Variants in FBXW8 observed in about 807,000 individuals in gnomAD.
FBXW8 encodes the protein F-box/WD repeat-containing protein 8.
In FBXW8, 57 loss-of-function variants were observed where a neutral mutation model predicts 65.3. That is an observed-to-expected ratio of 0.87 (90% confidence interval 0.71 to 1.09). The LOEUF is 1.09. Ranked by LOEUF, FBXW8 falls within the 50% of genes least tolerant of loss-of-function variation. FBXW8 has a pLI of 0.00. For missense variants in FBXW8, 777 were observed against 814.8 expected, an observed-to-expected ratio of 0.95 and a Z score of 0.57; for synonymous variants, 308 against 330.2, an observed-to-expected ratio of 0.93 and a Z score of 0.73.
At chr12:116,992,761 G>GGTGTGTGTGTGT (rs59119067) in intron 7 of FBXW8, among the ~76,000 whole-genome samples, 2,341 of 143,616 alleles carry the variant, frequency 0.016, 35 homozygotes, top group Admixed American at 0.022. Flanking sequence ...ATTATTCCAT[G>GGTGTGTGTGTGT]GTGTGTGTGT....
intron 7 of FBXW8, among the ~76,000 whole-genome samples, chr12:117,008,389 T>C (rs1953728043): frequency 6.6e-6 from 1 of 152,250 alleles, no homozygotes; most frequent in Non-Finnish European, 1.5e-5. Flanking sequence ...GTTATTTCTA[T>C]ATACTTACTT....
intron 4 of FBXW8, among the ~76,000 whole-genome samples, chr12:116,956,562 C>A (rs1409723638): frequency 6.6e-6 from 1 of 152,182 alleles, no homozygotes; most frequent in African/African-American, 2.4e-5. Context: ...TTTGGAGCTT[C>A]AAATTTATAT....
chr12:117,013,827 A>AGGAATTGTTGCATT, intron 8 of FBXW8, among the ~76,000 whole-genome samples: 1 of 152,138 alleles, frequency 6.6e-6, no homozygotes, highest in African/African-American at 2.4e-5. Context: ...CAATGAATTA[A>AGGAATTGTTGCATT]TAGCTTAGGA....
chr12:116,921,822 CTTTTTT>C (rs11449832), intron 1 of FBXW8, among the ~76,000 whole-genome samples: 1 of 99,322 alleles, frequency 1.0e-5, no homozygotes, highest in Non-Finnish European at 2.0e-5. Flanking sequence ...GTATTTCTGA[CTTTTTT>C]TTTTTTTTTT....
intron 4 of FBXW8, among the ~76,000 whole-genome samples, chr12:116,959,947 C>A (rs1883879281): frequency 6.6e-6 from 1 of 152,190 alleles, no homozygotes; most frequent in African/African-American, 2.4e-5. Flanking sequence ...GTTCTTACAT[C>A]AGCTAGTATA....
At chr12:117,015,341 C>T (rs1470737153) in intron 8 of FBXW8, among the ~76,000 whole-genome samples, 1 of 152,132 alleles carries the variant, frequency 6.6e-6, no homozygotes, top group East Asian at 1.9e-4. Flanking sequence ...ATAGGTTTTG[C>T]TGGCAGTCGG....
Position 116,988,802 on chromosome 12 carries a change from T to C in FBXW8, c.1172T>C (p.Leu391Pro). 6.2e-7 allele frequency: 1 copy of C among 1,614,190 alleles called. No individual in the cohort carries two copies. Among genetic ancestry groups the C allele is most frequent in the African/African-American group, 1.3e-5 (1 of 75,030 alleles). ...GCCCACGGCCCGCCTGTCACATGTC[T>C]AGACGTCTCGGCCAACCAAGTTGCT... Reference protein sequence around the residue: ...LYAHGPPVTCLDVSANQVAFG... With the variant: ...LYAHGPPVTCPDVSANQVAFG... The change falls in exon 7 of 11, where the codon CTA becomes CCA. Residue 391 changes from leucine to proline, a missense_variant. Transcript: ENST00000652555.
chr12:116,946,798 A>G (rs764193617), intron 3 of FBXW8, among the ~76,000 whole-genome samples: 8 of 152,092 alleles, frequency 5.3e-5, no homozygotes, highest in Non-Finnish European at 8.8e-5. Context: ...ACAGGCAGAA[A>G]GGTATGACAA....
chr12:116,947,746 A>AG (rs1162959167), intron 3 of FBXW8, among the ~76,000 whole-genome samples: 1 of 137,362 alleles, frequency 7.3e-6, no homozygotes, highest in Non-Finnish European at 1.6e-5. Flanking sequence ...CAAAAAAAAA[A>AG]AAAAAAAAGA....
intron 6 of FBXW8, 165 bp downstream of exon 6, chr12:116,985,567 C>T: frequency 1.5e-6 from 1 of 668,064 alleles, no homozygotes; most frequent in Non-Finnish European, 2.5e-6. Context: ...TAGCATTTTC[C>T]CCATTTACCA....
At chr12:117,026,465 A>G (rs1954230931) in intron 9 of FBXW8, among the ~76,000 whole-genome samples, 1 of 151,772 alleles carries the variant, frequency 6.6e-6, no homozygotes, top group South Asian at 2.1e-4. Context: ...GTCCACCAAC[A>G]CTTTCCTTCT....
At chr12:116,980,625 T>TA (rs200922326) in intron 5 of FBXW8, among the ~76,000 whole-genome samples, 6 of 151,514 alleles carry the variant, frequency 4.0e-5, no homozygotes, top group Middle Eastern at 3.4e-3. Context: ...ATATCAGATT[T>TA]AAAAAAAAAT....
chr12:116,939,685 C>A (rs945710513), intron 2 of FBXW8, among the ~76,000 whole-genome samples: 1 of 152,172 alleles, frequency 6.6e-6, no homozygotes, highest in Admixed American at 6.5e-5. Context: ...AGTAAAGCTG[C>A]CCTGTGTTTC....
intron 9 of FBXW8, among the ~76,000 whole-genome samples, chr12:117,027,007 T>C (rs777981014): frequency 6.6e-5 from 10 of 152,088 alleles, no homozygotes; most frequent in African/African-American, 9.7e-5. Context: ...CAGTGCTCCA[T>C]AGATGATGGA....
chr12:116,927,912 A>G (rs1881451787), intron 1 of FBXW8, 111 bp from the exon 2 acceptor site: 1 of 647,014 alleles, frequency 1.5e-6, no homozygotes, highest in Non-Finnish European at 2.7e-6. Flanking sequence ...AAACAGCCTC[A>G]TCTATCTTGT....
chr12:117,013,756 A>T (rs572150258), intron 8 of FBXW8, among the ~76,000 whole-genome samples: 37 of 151,938 alleles, frequency 2.4e-4, no homozygotes, highest in Admixed American at 4.6e-4. Flanking sequence ...TTATTTATTT[A>T]TTTTTTATTA....
chr12:117,027,280 A>C (rs146326522), intron 9 of FBXW8, 114 bp from the exon 10 acceptor site: 1 of 779,474 alleles, frequency 1.3e-6, no homozygotes, highest in Non-Finnish European at 2.2e-6. Context: ...TGTGAAAGAG[A>C]AGCTTAGCTT....
intron 2 of FBXW8, among the ~76,000 whole-genome samples, chr12:116,929,288 G>A (rs977505847): frequency 6.6e-6 from 1 of 152,188 alleles, no homozygotes; most frequent in Non-Finnish European, 1.5e-5. Context: ...AGGCTGGAGT[G>A]CAGTGGCGCG....
chr12:116,911,970 G>A (rs1454680013), intron 1 of FBXW8, among the ~76,000 whole-genome samples: 1 of 152,128 alleles, frequency 6.6e-6, no homozygotes, highest in East Asian at 1.9e-4. Flanking sequence ...GGATACCTTG[G>A]AGAATCTGGA....
Sources: allele counts gnomAD v4.1 joint callset (sites outside exome capture counted in the v4.1 genomes callset), GRCh38; gene constraint gnomAD v4.1.1; transcripts MANE v1.5; gene names NCBI Gene and HGNC (gene_info 2026-07-23, HGNC 2026-07-21).